P3H2: variants seen among roughly 807,000 people sequenced by gnomAD.
The protein encoded by P3H2 is leprecan-like 1.
P3H2 carries 80 observed loss-of-function variants against 87.0 expected under a neutral mutation model. That is an observed-to-expected ratio of 0.92 (90% CI 0.77 to 1.11). The LOEUF is 1.11. P3H2 is among the 50% of genes least tolerant of loss of function. The probability of loss-of-function intolerance (pLI) is 0.00; values close to 1 mark genes in which losing one functional copy is unlikely to be tolerated. For missense variants in P3H2, 1,001 were observed against 923.9 expected, an observed-to-expected ratio of 1.08 and a Z score of -1.08; for synonymous variants, 367 against 359.3, an observed-to-expected ratio of 1.02 and a Z score of -0.24.
At chr3:190,046,168 T>C (rs1725797787) in intron 1 of P3H2, among the ~76,000 whole-genome samples, 1 of 151,212 alleles carries the variant, frequency 6.6e-6, no homozygotes, top group South Asian at 2.1e-4. Context: ...TCCTGGTGCC[T>C]GCCCTAAGGA....
At chr3:190,024,546 A>AAAG (rs1553876413) in intron 1 of P3H2, among the ~76,000 whole-genome samples, 5 of 151,150 alleles carry the variant, frequency 3.3e-5, no homozygotes, top group African/African-American at 1.2e-4. Flanking sequence ...AAAAAAAAAA[A>AAAG]AAAAAAAGAA....
intron 1 of P3H2, among the ~76,000 whole-genome samples, chr3:190,041,059 C>T (rs1225284919): frequency 0.15 from 6,751 of 44,786 alleles, 932 homozygotes; most frequent in African/African-American, 0.35. Flanking sequence ...CACACACACA[C>T]ACACACACAC....
At chr3:189,958,268 C>T (rs1486046486) in intron 14 of P3H2, among the ~76,000 whole-genome samples, 1 of 152,158 alleles carries the variant, frequency 6.6e-6, no homozygotes, top group Admixed American at 6.5e-5. Context: ...TTCATGGCCC[C>T]ATAGCCATCT....
intron 1 of P3H2, among the ~76,000 whole-genome samples, chr3:190,029,024 A>C (rs1352480001): frequency 6.6e-6 from 1 of 152,242 alleles, no homozygotes; most frequent in South Asian, 2.1e-4. Flanking sequence ...TACTAATTCA[A>C]AAAGTCATTT....
chr3:190,006,408 A>G (rs1266896042), intron 1 of P3H2, among the ~76,000 whole-genome samples: 3 of 152,224 alleles, frequency 2.0e-5, no homozygotes, highest in Non-Finnish European at 4.4e-5. Flanking sequence ...AGTCACCACT[A>G]TTTCAAAGTA....
In P3H2 at chr3:189,957,286, G is replaced by A. The variant is rs773773091; in HGVS notation, c.*626C>T. On this transcript the variant is annotated 3_prime_UTR_variant, in exon 15 of 15. Coordinates refer to ENST00000319332, the MANE Select transcript of P3H2 (RefSeq NM_018192.4). ...CTTTGGAGAGTCGGAGCTCATGGCC[G>A]TTAGCACCTAAGGATGTGGCTGAAA... The A allele has an allele frequency of 2.5e-5, 10 of 399,512 alleles. No individual in the cohort carries two copies. The highest frequency in any genetic ancestry group is 8.2e-5 in the African/African-American group (4 of 48,594). 24.7% of individuals were successfully genotyped at this position (399,512 alleles called of 1,614,324 possible). A position where few individuals can be genotyped will look rare whatever the true frequency, so the allele number is the denominator to read the frequency against.
At chr3:190,090,426 G>A (rs372695858) in intron 1 of P3H2, among the ~76,000 whole-genome samples, 5 of 152,130 alleles carry the variant, frequency 3.3e-5, no homozygotes, top group South Asian at 2.1e-4. Context: ...CCTATTGGCC[G>A]CGCACGGTGG....
At chr3:190,083,765 C>G (rs925427101) in intron 1 of P3H2, among the ~76,000 whole-genome samples, 5 of 152,152 alleles carry the variant, frequency 3.3e-5, no homozygotes, top group African/African-American at 9.7e-5. Flanking sequence ...CTCCCTTTTG[C>G]CAACTGGACC....
chr3:190,079,727 C>CCT (rs1726986310), intron 1 of P3H2, among the ~76,000 whole-genome samples: 2 of 152,140 alleles, frequency 1.3e-5, no homozygotes, highest in South Asian at 4.1e-4. Context: ...ATTGAACCTC[C>CCT]CCCTTCTTAA....
chr3:190,090,898 A>T (rs1305708086), intron 1 of P3H2, among the ~76,000 whole-genome samples: 1 of 152,124 alleles, frequency 6.6e-6, no homozygotes, highest in African/African-American at 2.4e-5. Flanking sequence ...TTTCTCACAG[A>T]AGTTTCCTTC....
intron 14 of P3H2, among the ~76,000 whole-genome samples, chr3:189,958,415 C>G (rs1722704413): frequency 6.6e-6 from 1 of 152,224 alleles, no homozygotes; most frequent in Non-Finnish European, 1.5e-5. Flanking sequence ...TGGTTTCCTG[C>G]ATCTGATAAG....
chr3:190,022,180 A>G (rs1276112710), intron 1 of P3H2, among the ~76,000 whole-genome samples: 1 of 135,492 alleles, frequency 7.4e-6, no homozygotes, highest in African/African-American at 2.5e-5. Context: ...TAAACATTAA[A>G]GAGCATCTCA....
chr3:190,062,697 G>A (rs2108967596), intron 1 of P3H2, among the ~76,000 whole-genome samples: 1 of 152,102 alleles, frequency 6.6e-6, no homozygotes, highest in East Asian at 1.9e-4. Context: ...ATAACCTTGG[G>A]CAAGTTACTC....
chr3:190,027,029 C>G (rs867817041), intron 1 of P3H2, among the ~76,000 whole-genome samples: 1 of 152,224 alleles, frequency 6.6e-6, no homozygotes, highest in African/African-American at 2.4e-5. Context: ...TAGGTGATTT[C>G]GAAACATTTA....
At chr3:190,070,960 T>C (rs1410185707) in intron 1 of P3H2, among the ~76,000 whole-genome samples, 1 of 152,222 alleles carries the variant, frequency 6.6e-6, no homozygotes, top group Admixed American at 6.5e-5. Context: ...CAGAATAAAT[T>C]AAATGAAGGA....
In P3H2 at chr3:189,986,870, G is replaced by A. The variant is rs755795378; in HGVS notation, c.1106C>T (p.Thr369Ile). Residue 369 changes from threonine to isoleucine, a missense_variant, in exon 6 of 15, where the codon ACA (threonine) becomes ATA (isoleucine). Physicochemically the swap from Thr to Ile is moderately conservative, Grantham distance 89. Transcript: ENST00000319332. ...PASIEAREDL[T>I]MFVKRHKLES... Reference sequence around the variant, plus strand: ...CAGCTTATGACGTTTCACAAACATTGTTAAATCCTAGAGAAAAAGAAGTAA... The same window carrying A: ...CAGCTTATGACGTTTCACAAACATTATTAAATCCTAGAGAAAAAGAAGTAA... 6 of 1,607,404 alleles carry A rather than the reference G, an allele frequency of 3.7e-6. No individual in the cohort carries two copies. Among genetic ancestry groups the A allele is most frequent in the South Asian group, 2.2e-5 (2 of 90,904 alleles).
intron 1 of P3H2, among the ~76,000 whole-genome samples, chr3:190,066,158 T>TATATATACACACACACACACAC (rs1256956930): frequency 3.5e-4 from 47 of 134,610 alleles, no homozygotes; most frequent in African/African-American, 1.3e-3. Flanking sequence ...TATATATATA[T>TATATATACACACACACACACAC]ACACACACAC....
chr3:190,037,560 C>T (rs1191279148), intron 1 of P3H2, among the ~76,000 whole-genome samples: 4 of 152,148 alleles, frequency 2.6e-5, no homozygotes, highest in Non-Finnish European at 5.9e-5. Flanking sequence ...GTCAACACGT[C>T]AATCTGTCAC....
At chr3:190,043,466 G>A (rs554723571) in intron 1 of P3H2, among the ~76,000 whole-genome samples, 27 of 152,128 alleles carry the variant, frequency 1.8e-4, no homozygotes, top group Non-Finnish European at 3.1e-4. Flanking sequence ...CTTTACACAG[G>A]TGGAAGAAAG....
Sources: gnomAD v4.1 joint callset for allele counts (sites outside exome capture counted in the v4.1 genomes callset) on GRCh38, gnomAD v4.1.1 for gene constraint, MANE v1.5 for transcripts, NCBI Gene and HGNC (gene_info 2026-07-23, HGNC 2026-07-21) for gene names.